Variants in AXDND1 observed in about 807,000 individuals in gnomAD.
AXDND1 encodes the protein axonemal dynein light chain domain containing 1, also known as axonemal dynein light chain domain-containing protein 1.
In AXDND1, 110 loss-of-function variants were observed where a neutral mutation model predicts 137.5. The observed-to-expected ratio is 0.80, with a 90% CI of 0.69 to 0.94. The LOEUF is 0.94. Ranked by LOEUF, AXDND1 falls within the 40% of genes least tolerant of loss-of-function variation. AXDND1 has a pLI of 0.00. For synonymous variants in AXDND1, 414 were observed against 399.7 expected, an observed-to-expected ratio of 1.04 and a Z score of -0.43; for missense variants, 1,191 against 1,169.8, an observed-to-expected ratio of 1.02 and a Z score of -0.26.
chr1:179,506,421 C>G (rs1327996461), intron 20 of AXDND1, among the ~76,000 whole-genome samples: 2 of 152,182 alleles, frequency 1.3e-5, no homozygotes, highest in Non-Finnish European at 2.9e-5. Context: ...TCAAACTTGA[C>G]TTCCAGCTAC....
At chr1:179,482,674 A>AT (rs1445830565) in intron 17 of AXDND1, among the ~76,000 whole-genome samples, 5 of 151,960 alleles carry the variant, frequency 3.3e-5, no homozygotes, top group African/African-American at 1.2e-4. Flanking sequence ...CCATAGCACC[A>AT]TTTTTAGAGG....
At chr1:179,407,710 A>G (rs886821544) in intron 11 of AXDND1, among the ~76,000 whole-genome samples, 4 of 152,066 alleles carry the variant, frequency 2.6e-5, no homozygotes, top group Non-Finnish European at 5.9e-5. Flanking sequence ...TGCCTTAGAA[A>G]ATATCTTTGT....
At chr1:179,406,130 G>A (rs1221907875) in intron 11 of AXDND1, among the ~76,000 whole-genome samples, 1 of 151,998 alleles carries the variant, frequency 6.6e-6, no homozygotes, top group Non-Finnish European at 1.5e-5. Context: ...TCATTCAGGA[G>A]CATGTTGTTT....
At chr1:179,421,795 T>C (rs1302633605) in intron 12 of AXDND1, among the ~76,000 whole-genome samples, 1 of 151,896 alleles carries the variant, frequency 6.6e-6, no homozygotes, top group African/African-American at 2.4e-5. Context: ...CGTAGCACTT[T>C]GGGAGGTCAG....
intron 4 of AXDND1, among the ~76,000 whole-genome samples, chr1:179,371,395 T>C (rs1668022142): frequency 6.6e-6 from 1 of 152,022 alleles, no homozygotes; most frequent in East Asian, 1.9e-4. Context: ...GCCATTGCAC[T>C]CCAGCCTGGG....
intron 22 of AXDND1, among the ~76,000 whole-genome samples, chr1:179,525,821 A>G (rs2125687364): frequency 6.6e-6 from 1 of 152,208 alleles, no homozygotes; most frequent in African/African-American, 2.4e-5. Context: ...ACAGACATAT[A>G]TAGTGGGGGG....
At chr1:179,427,170 A>G (rs968959566) in intron 12 of AXDND1, among the ~76,000 whole-genome samples, 6 of 137,146 alleles carry the variant, frequency 4.4e-5, no homozygotes, top group Admixed American at 7.1e-5. Context: ...TCTCAAAACA[A>G]AAACAAGAAC....
intron 22 of AXDND1, 119 bp from the exon 23 acceptor site, chr1:179,528,208 T>C: frequency 1.5e-6 from 1 of 670,584 alleles, no homozygotes; most frequent in South Asian, 2.0e-5. Flanking sequence ...GTTGTGTGAT[T>C]AAAGGAAATG....
At chr1:179,541,401 G>A (rs557055017) in intron 25 of AXDND1, among the ~76,000 whole-genome samples, 11 of 152,066 alleles carry the variant, frequency 7.2e-5, no homozygotes, top group East Asian at 3.9e-4. Flanking sequence ...GAAATCACCC[G>A]TCTTCTGCAT....
In AXDND1 at chr1:179,475,425, C is replaced by A. The variant is rs145722975; in HGVS notation, c.1997+6784C>A. 1.0e-2 allele frequency among the ~76,000 whole-genome samples: 1,518 copies of A among 152,332 alleles called. 29 individuals are homozygous for A. The highest frequency in any genetic ancestry group is 0.034 in the African/African-American group (1,403 of 41,568). On this transcript the variant is annotated intron_variant, in intron 17 of 25. Transcript: ENST00000367618. ...AGCTGCCCAGGCCTATGGGAATGCA[C>A]CTCTTGCATTAGCATGACCTGGATG...
chr1:179,477,637 A>G (rs113259986), intron 17 of AXDND1, among the ~76,000 whole-genome samples: 2,146 of 152,254 alleles, frequency 0.014, 42 homozygotes, highest in African/African-American at 0.047. Flanking sequence ...CTACAATTTA[A>G]GATAAGATTT....
chr1:179,440,116 T>C (rs1249275801), intron 15 of AXDND1, among the ~76,000 whole-genome samples: 2 of 152,246 alleles, frequency 1.3e-5, no homozygotes, highest in Admixed American at 1.3e-4. Context: ...GCAGTTGGCT[T>C]CCTATACCCC....
chr1:179,400,321 C>G (rs1651762639), intron 11 of AXDND1, among the ~76,000 whole-genome samples: 1 of 151,984 alleles, frequency 6.6e-6, no homozygotes, highest in Non-Finnish European at 1.5e-5. Context: ...TGAAGTAACT[C>G]AGGAGTGGAA....
chr1:179,488,290 C>T (rs1216074715), intron 18 of AXDND1, among the ~76,000 whole-genome samples: 2 of 148,546 alleles, frequency 1.3e-5, no homozygotes, highest in Non-Finnish European at 3.0e-5. Flanking sequence ...TAGCAACAAA[C>T]TCACACCAAG....
intron 12 of AXDND1, among the ~76,000 whole-genome samples, chr1:179,422,254 T>C (rs373297553): frequency 6.6e-6 from 1 of 151,456 alleles, no homozygotes; most frequent in South Asian, 2.1e-4. Flanking sequence ...ATCAAATATA[T>C]AATTTATAAC....
intron 3 of AXDND1, 98 bp from the exon 4 acceptor site, chr1:179,369,877 C>T: frequency 1.2e-6 from 1 of 813,336 alleles, no homozygotes; most frequent in South Asian, 1.9e-5. Flanking sequence ...ACCCAAGTGC[C>T]CTTAATGTAA....
At chr1:179,511,165 C>T (rs1558287243) in intron 21 of AXDND1, among the ~76,000 whole-genome samples, 1 of 150,762 alleles carries the variant, frequency 6.6e-6, no homozygotes, top group Non-Finnish European at 1.5e-5. Flanking sequence ...AGACTCTGTC[C>T]CCCACAAAAA....
chr1:179,399,232 G>A (rs1406946382), intron 11 of AXDND1, among the ~76,000 whole-genome samples: 6 of 152,276 alleles, frequency 3.9e-5, no homozygotes, highest in Middle Eastern at 6.8e-3. Context: ...AAATAGGCAC[G>A]TAGACTAATG....
intron 15 of AXDND1, among the ~76,000 whole-genome samples, chr1:179,439,829 T>G (rs111602490): frequency 0.046 from 6,944 of 152,070 alleles, 234 homozygotes; most frequent in Non-Finnish European, 0.069. Flanking sequence ...CACCCTGGGT[T>G]CCTCCAGTCT....
Sources: gnomAD v4.1 joint callset for allele counts (sites outside exome capture counted in the v4.1 genomes callset) on GRCh38, gnomAD v4.1.1 for gene constraint, MANE v1.5 for transcripts, NCBI Gene and HGNC (gene_info 2026-07-23, HGNC 2026-07-21) for gene names.